KAZN: variants seen among roughly 807,000 people sequenced by gnomAD.
KAZN encodes the protein kazrin, periplakin interacting protein, also known as kazrin.
Under a neutral mutation model 87.4 loss-of-function variants are expected in KAZN, and 40 were observed. The observed-to-expected ratio is 0.46, with a 90% CI of 0.36 to 0.60. The LOEUF (loss-of-function observed/expected upper bound fraction) is 0.60, where lower values mean the gene tolerates loss of function less well. Ranked by LOEUF, KAZN falls within the 20% of genes least tolerant of loss-of-function variation. The pLI is 0.00. For synonymous variants in KAZN, 466 were observed against 458.3 expected (o/e 1.02, Z -0.22); for missense variants, 898 against 1,073.9 (o/e 0.84, Z 2.29).
At chr1:14,174,841 T>C (rs1646037073) in intron 1 of KAZN, among the ~76,000 whole-genome samples, 1 of 152,226 alleles carries the variant, frequency 6.6e-6, no homozygotes, top group African/African-American at 2.4e-5. Context: ...TGTCTCTAAT[T>C]CTCAGAGCAA....
intron 1 of KAZN, among the ~76,000 whole-genome samples, chr1:14,753,193 C>A (rs888771038): frequency 3.3e-5 from 5 of 152,154 alleles, no homozygotes; most frequent in Admixed American, 6.5e-5. Context: ...CATTGAGCAC[C>A]TCCTGTTTAT....
intron 8 of KAZN, among the ~76,000 whole-genome samples, chr1:15,073,626 C>T (rs889654365): frequency 6.6e-6 from 1 of 152,190 alleles, no homozygotes; most frequent in African/African-American, 2.4e-5. Context: ...GCCTCAGAAG[C>T]CTGCAGCAGC....
intron 1 of KAZN, among the ~76,000 whole-genome samples, chr1:14,673,343 G>A (rs192583874): frequency 6.6e-6 from 1 of 152,318 alleles, no homozygotes; most frequent in Non-Finnish European, 1.5e-5. Flanking sequence ...AAAGCTTCTT[G>A]GACACCCAGG....
intron 2 of KAZN, among the ~76,000 whole-genome samples, chr1:14,444,455 G>C (rs1666866282): frequency 6.6e-6 from 1 of 151,950 alleles, no homozygotes; most frequent in African/African-American, 2.4e-5. Flanking sequence ...TGGGATTACA[G>C]GTTTGAGCCA....
Position 14,233,138 on chromosome 1 carries a change from A to AT in KAZN, c.249+52557dup, listed in dbSNP as rs926283308. ...AGGCACTTAGTTGCTAAATTCTTTT[A>AT]TTTTTTTTTTTGAGACAAGGTCCCA... On this transcript the variant is annotated intron_variant, in intron 2 of 16. Coordinates refer to the KAZN transcript ENST00000636203. Among the ~76,000 whole-genome samples, 239 of 147,344 alleles carry AT rather than the reference A, an allele frequency of 1.6e-3. 1 individual carries two copies. Among genetic ancestry groups the AT allele is most frequent in the African/African-American group, 3.8e-3 (152 of 40,432 alleles).
intron 1 of KAZN, among the ~76,000 whole-genome samples, chr1:13,962,867 C>G (rs939624674): frequency 6.6e-6 from 1 of 152,138 alleles, no homozygotes; most frequent in Non-Finnish European, 1.5e-5. Context: ...CTATCCTACC[C>G]ATGCTCTAGA....
intron 1 of KAZN, among the ~76,000 whole-genome samples, chr1:14,808,747 AC>A (rs1646309570): frequency 6.6e-6 from 1 of 152,198 alleles, no homozygotes; most frequent in Admixed American, 6.5e-5. Context: ...ATAACAGAAT[AC>A]CCAACAGAGT....
intron 1 of KAZN, among the ~76,000 whole-genome samples, chr1:14,156,768 G>C (rs1645602216): frequency 6.6e-6 from 1 of 151,938 alleles, no homozygotes; most frequent in Non-Finnish European, 1.5e-5. Context: ...CAAATCATTG[G>C]GTCTTGTTTT....
At chr1:14,673,522 A>G (rs1467711066) in intron 1 of KAZN, among the ~76,000 whole-genome samples, 1 of 152,188 alleles carries the variant, frequency 6.6e-6, no homozygotes, top group Non-Finnish European at 1.5e-5. Context: ...TCAGAACGTC[A>G]GGGAGGAAGC....
intron 1 of KAZN, among the ~76,000 whole-genome samples, chr1:14,648,214 G>C (rs541664670): frequency 1.6e-4 from 25 of 152,316 alleles, no homozygotes; most frequent in South Asian, 6.2e-4. Context: ...AAATTACAGG[G>C]AGAAGGGAAC....
rs560105353 is a variant in KAZN, at chr1:14,215,587, G to T, written c.249+34995G>T. On this transcript the variant is annotated intron_variant, in intron 2 of 16. Transcript: ENST00000636203. ...AGCCTTAACTTTCTGCACAACGATT[G>T]GTTCTTTTTGGTGAAGGTTTCCTTT... 2.0e-5 allele frequency among the ~76,000 whole-genome samples: 3 copies of T among 152,278 alleles called. No homozygotes were observed. In the East Asian group the frequency reaches 5.8e-4, roughly 29 times the overall value.
At chr1:14,240,237 T>G (rs1247795297) in intron 2 of KAZN, among the ~76,000 whole-genome samples, 1 of 152,110 alleles carries the variant, frequency 6.6e-6, no homozygotes, top group East Asian at 1.9e-4. Flanking sequence ...TATCAGCAGA[T>G]AAAAGGAAAC....
chr1:14,889,258 A>T (rs1654446830), intron 1 of KAZN, among the ~76,000 whole-genome samples: 2 of 152,224 alleles, frequency 1.3e-5, no homozygotes, highest in South Asian at 4.1e-4. Context: ...AGGAGCAGAA[A>T]ATATCTCTGA....
intron 1 of KAZN, among the ~76,000 whole-genome samples, chr1:14,943,451 G>A (rs1320619260): frequency 1.3e-5 from 2 of 152,158 alleles, no homozygotes; most frequent in Non-Finnish European, 2.9e-5. Context: ...AGTCTCTGGG[G>A]ACCCAGGACA....
chr1:14,731,178 TGAAAA>T (rs57625339), intron 1 of KAZN, among the ~76,000 whole-genome samples: 66,106 of 151,756 alleles, frequency 0.44, 14,615 homozygotes, highest in Non-Finnish European at 0.48. Flanking sequence ...AAGTGTCTAA[TGAAAA>T]GAAAAGAAGC....
intron 1 of KAZN, among the ~76,000 whole-genome samples, chr1:14,159,237 G>C (rs1304437016): frequency 6.6e-6 from 1 of 152,192 alleles, no homozygotes; most frequent in East Asian, 1.9e-4. Flanking sequence ...AGTGCTGTCT[G>C]GGAGCCAAGG....
At chr1:15,003,477 G>A (rs1668704942) in intron 2 of KAZN, among the ~76,000 whole-genome samples, 1 of 152,138 alleles carries the variant, frequency 6.6e-6, no homozygotes, top group African/African-American at 2.4e-5. Flanking sequence ...TTACAGGCAG[G>A]TTATCCCATA....
intron 1 of KAZN, among the ~76,000 whole-genome samples, chr1:14,647,456 C>G (rs1680890410): frequency 6.6e-6 from 1 of 152,146 alleles, no homozygotes; most frequent in Admixed American, 6.5e-5. Flanking sequence ...AAGGACCAGT[C>G]AATTGTTACA....
chr1:14,423,588 G>T (rs1382963738), intron 2 of KAZN, among the ~76,000 whole-genome samples: 1 of 152,170 alleles, frequency 6.6e-6, no homozygotes, highest in African/African-American at 2.4e-5. Flanking sequence ...AGGATGCCAT[G>T]TATTGAGCAC....
Sources: gnomAD v4.1 joint callset for allele counts (sites outside exome capture counted in the v4.1 genomes callset) on GRCh38, gnomAD v4.1.1 for gene constraint, MANE v1.5 for transcripts, NCBI Gene and HGNC (gene_info 2026-07-23, HGNC 2026-07-21) for gene names.